The following ZNF618 variants were observed in gnomAD, a reference collection of about 807,000 sequenced individuals.
ZNF618 encodes zinc finger protein 618, also known as neural precursor cell expressed, developmentally down-regulated 10.
Under a neutral mutation model 103.0 loss-of-function variants are expected in ZNF618, and 34 were observed. The ratio of observed to expected loss-of-function variants is 0.33; its 90% CI spans 0.25 to 0.44. The LOEUF (loss-of-function observed/expected upper bound fraction) is 0.44, where lower values mean the gene tolerates loss of function less well. Ranked by LOEUF, ZNF618 falls within the 20% of genes least tolerant of loss-of-function variation. The pLI, the probability that ZNF618 is intolerant of heterozygous loss-of-function variation, is 1.00. For missense variants in ZNF618, 1,059 were observed against 1,295.4 expected (o/e 0.82, Z 2.80); for synonymous variants, 551 against 542.2 (o/e 1.02, Z -0.23).
chr9:113,980,610 C>G lies in ZNF618; in HGVS notation c.78-7711C>G, dbSNP rs144377114. On this transcript the variant is annotated intron_variant, in intron 2 of 14. Transcript: ENST00000374126. ...ATAAAAGTACAAGTCTCCATGAGAT[C>G]GCTTAGGAAATGAGTGTGGATAAAA... Among the ~76,000 whole-genome samples, 781 of 152,238 alleles carry G rather than the reference C, an allele frequency of 5.1e-3. 10 individuals carry two copies. The highest frequency in any genetic ancestry group is 0.041 in the East Asian group (214 of 5,178).
chr9:113,951,425 G>GTGTATATA (rs71367742), intron 1 of ZNF618, among the ~76,000 whole-genome samples: 7,633 of 37,536 alleles, frequency 0.2, 2,336 homozygotes, highest in African/African-American at 0.32. Context: ...ACATATATGT[G>GTGTATATA]TGTGTGTATA....
At chr9:114,008,702 T>C in intron 9 of ZNF618, 148 bp downstream of exon 9, 1 of 928,148 alleles carries the variant, frequency 1.1e-6, no homozygotes, top group East Asian at 2.6e-5. Flanking sequence ...GGCCAGTCAG[T>C]GTTAGGACTG....
intron 1 of ZNF618, among the ~76,000 whole-genome samples, chr9:113,888,062 G>A (rs1299105401): frequency 6.6e-6 from 1 of 151,984 alleles, no homozygotes; most frequent in Non-Finnish European, 1.5e-5. Context: ...AAATATGAGA[G>A]AGTGGAAATT....
chr9:113,926,896 T>C (rs901750092), intron 1 of ZNF618, among the ~76,000 whole-genome samples: 1 of 152,122 alleles, frequency 6.6e-6, no homozygotes, highest in South Asian at 2.1e-4. Flanking sequence ...GCCTATAGTC[T>C]CAGCTACTCA....
chr9:113,959,278 ACT>A (rs1379663654), intron 1 of ZNF618, among the ~76,000 whole-genome samples: 14 of 151,286 alleles, frequency 9.3e-5, no homozygotes, highest in Admixed American at 1.3e-4. Context: ...CAAGAGTGAA[ACT>A]CTGTCTCAAA....
intron 6 of ZNF618, among the ~76,000 whole-genome samples, chr9:114,003,505 A>T (rs1841448774): frequency 6.6e-6 from 1 of 152,244 alleles, no homozygotes. Flanking sequence ...CTAGTGACAC[A>T]AAAGACTACT....
At position 114,016,002 on chromosome 9, in the gene ZNF618, C is replaced by T; in HGVS notation, c.755-693C>T. On this transcript the variant is annotated intron_variant, in intron 9 of 14. Coordinates refer to ENST00000374126, the MANE Select transcript of ZNF618 (RefSeq NM_001318042.2). The stretch of plus-strand genomic sequence containing the variant: ...TGAAGAGTGGGGACCAGGGCACCCT[C>T]CCCCAAGGGGGTAGATGCTGCTCTT... 4 of 1,018,532 alleles carry T rather than the reference C, an allele frequency of 3.9e-6. No individual in the cohort carries two copies. In the South Asian group the frequency reaches 4.6e-5, roughly 12 times the overall value. The allele number at this position is 1,018,532 out of a possible 1,614,324, so 63.1% of individuals were successfully genotyped here. A position where few individuals can be genotyped will look rare whatever the true frequency, so the allele number is the denominator to read the frequency against.
At chr9:113,891,466 T>G (rs533146134) in intron 1 of ZNF618, among the ~76,000 whole-genome samples, 16 of 152,156 alleles carry the variant, frequency 1.1e-4, no homozygotes, top group Non-Finnish European at 1.9e-4. Context: ...TGGCTGTTAT[T>G]TTTTTTAAAA....
At chr9:113,993,774 G>A (rs936900943) in intron 3 of ZNF618, among the ~76,000 whole-genome samples, 1 of 152,344 alleles carries the variant, frequency 6.6e-6, no homozygotes, top group South Asian at 2.1e-4. Context: ...CGATAGTGGA[G>A]ACCTGAAGAG....
rs575448757 is a variant in ZNF618, at chr9:113,987,139, G to A, written c.78-1182G>A. Reference sequence around the variant, plus strand: ...TGTCTCTGGGCCTGGAACATGACTCGATTTCCCAGTATGTGCAAGCCTCAG... The same window carrying A: ...TGTCTCTGGGCCTGGAACATGACTCAATTTCCCAGTATGTGCAAGCCTCAG... On this transcript the variant is annotated intron_variant, in intron 2 of 14. Transcript: ENST00000374126. 3.3e-5 allele frequency among the ~76,000 whole-genome samples: 5 copies of A among 152,302 alleles called. No individual in the cohort carries two copies. In the East Asian group the frequency reaches 7.7e-4, roughly 24 times the overall value.
intron 1 of ZNF618, among the ~76,000 whole-genome samples, chr9:113,905,077 A>ATT (rs60821219): frequency 2.5e-4 from 37 of 150,266 alleles, no homozygotes; most frequent in African/African-American, 7.6e-4. Context: ...AAACCGTTTG[A>ATT]TTTTTTTTTT....
intron 1 of ZNF618, among the ~76,000 whole-genome samples, chr9:113,953,589 C>T (rs903617445): frequency 6.6e-6 from 1 of 152,184 alleles, no homozygotes; most frequent in Non-Finnish European, 1.5e-5. Flanking sequence ...TTAACCTCTG[C>T]TTCTTCCTCT....
chr9:114,047,848 C>G (rs1476126003), intron 13 of ZNF618, 45 bp from the exon 14 acceptor site: 2 of 1,519,076 alleles, frequency 1.3e-6, no homozygotes, highest in Non-Finnish European at 1.8e-6. Context: ...CCTCAACAGG[C>G]CTCTTACCCT....
intron 9 of ZNF618, among the ~76,000 whole-genome samples, chr9:114,011,433 T>C (rs1176251437): frequency 6.6e-6 from 1 of 152,180 alleles, no homozygotes; most frequent in South Asian, 2.1e-4. Flanking sequence ...GAGTGTAGAA[T>C]TGCATTGAGA....
chr9:113,994,456 G>A (rs375896309), intron 3 of ZNF618, among the ~76,000 whole-genome samples: 11 of 152,340 alleles, frequency 7.2e-5, no homozygotes, highest in South Asian at 2.1e-4. Context: ...TGCTACTGAC[G>A]CTTCCTCTTG....
intron 1 of ZNF618, among the ~76,000 whole-genome samples, chr9:113,897,700 TC>T (rs2131164295): frequency 6.6e-6 from 1 of 152,328 alleles, no homozygotes; most frequent in Non-Finnish European, 1.5e-5. Context: ...TATATGTGTT[TC>T]CCCAGCTTTT....
Position 114,036,355 on chromosome 9 carries a change from G to A in ZNF618, c.1224G>A (p.Leu408=). Residue 408 remains leucine, a synonymous_variant, in exon 13 of 15, where the codon TTG becomes TTA. Transcript: ENST00000374126. ...GIQFQFYNNL[L]EHMQSHAADN... The stretch of plus-strand genomic sequence containing the variant: ...AGTTCCAGTTCTACAACAACCTGTT[G>A]GAGCACATGCAGTCCCATGCAGGTA... 1.3e-6 allele frequency: 2 copies of A among 1,582,822 alleles called. No individual in the cohort carries two copies. The highest frequency in any genetic ancestry group is 1.7e-6 in the Non-Finnish European group (2 of 1,163,876).
At chr9:113,919,322 G>A (rs1832424118) in intron 1 of ZNF618, among the ~76,000 whole-genome samples, 1 of 152,158 alleles carries the variant, frequency 6.6e-6, no homozygotes, top group Admixed American at 6.5e-5. Context: ...CTGTAGCTGG[G>A]GGCTGCTGAG....
intron 1 of ZNF618, among the ~76,000 whole-genome samples, chr9:113,922,970 AT>A (rs567033660): frequency 6.6e-6 from 1 of 152,054 alleles, no homozygotes; most frequent in Non-Finnish European, 1.5e-5. Flanking sequence ...ATCTTCTTTG[AT>A]TTTTTTCATC....
Sources: allele counts gnomAD v4.1 joint callset (sites outside exome capture counted in the v4.1 genomes callset), GRCh38; gene constraint gnomAD v4.1.1; transcripts MANE v1.5; gene names NCBI Gene and HGNC (gene_info 2026-07-23, HGNC 2026-07-21).